The following HAX1 variants were observed in gnomAD, a reference collection of about 807,000 sequenced individuals.
HAX1 encodes the protein HCLS1 associated protein X-1.
A neutral mutation model predicts 31.1 loss-of-function variants in HAX1; 27 were observed. That is an observed-to-expected ratio of 0.87 (90% CI 0.64 to 1.20). The LOEUF is 1.20. HAX1 is among the 50% of genes most tolerant of loss of function. The probability of loss-of-function intolerance (pLI) is 0.00; values close to 1 mark genes in which losing one functional copy is unlikely to be tolerated. For missense variants in HAX1, 357 were observed against 361.6 expected (o/e 0.99, Z 0.10); for synonymous variants, 114 against 124.1 (o/e 0.92, Z 0.54).
chr1:154,275,540 C>T (rs1684915256), intron 6 of HAX1, 57 bp downstream of exon 6: 2 of 1,571,722 alleles, frequency 1.3e-6, no homozygotes, highest in Admixed American at 3.3e-5. Context: ...GGAAATCTTA[C>T]TCTTCTACCC....
chr1:154,274,089 C>A, intron 3 of HAX1, 128 bp downstream of exon 3: 1 of 819,042 alleles, frequency 1.2e-6, no homozygotes. Context: ...GGGCAGATCA[C>A]CAGAGGTCAG....
At position 154,273,166 on chromosome 1, in the gene HAX1, A is replaced by C. The variant is rs73014973; in HGVS notation, c.54-170A>C. On this transcript the variant is annotated intron_variant, in intron 1 of 6. Transcript: ENST00000328703. Reference sequence around the variant, plus strand: ...GACTTTGATTAAAAAAAAAAAAAAAAAAAAAGAACTGTCAGCCATTGTATT... The same window carrying C: ...GACTTTGATTAAAAAAAAAAAAAAACAAAAAGAACTGTCAGCCATTGTATT... 0.013 allele frequency: 8,674 copies of C among 687,966 alleles called. 420 individuals are homozygous for C. In the African/African-American group the frequency reaches 0.13, roughly 11 times the overall value. The allele number at this position is 687,966 out of a possible 1,614,324, so 42.6% of individuals were successfully genotyped here.
At position 154,272,655 on chromosome 1, in the gene HAX1, C is replaced by A; in HGVS notation, c.-69C>A. The A allele has an allele frequency of 6.7e-7, 1 of 1,490,720 alleles. No individual in the cohort carries two copies. Among genetic ancestry groups the A allele is most frequent in the Non-Finnish European group, 9.3e-7 (1 of 1,069,600 alleles). The allele number at this position is 1,490,720 out of a possible 1,614,324, so 92.3% of individuals were successfully genotyped here. ...ACGCCTCGCTCAATTTCTCACAGGGCTGCGCAGGTTTCCCCCGTCTGCGAA... is the reference window on the plus strand; with the variant it reads ...ACGCCTCGCTCAATTTCTCACAGGGATGCGCAGGTTTCCCCCGTCTGCGAA... On this transcript the variant is annotated 5_prime_UTR_variant, in exon 1 of 7. It adds an upstream start codon to the 5' untranslated region. Transcript: ENST00000328703.
At chr1:154,275,508 A>G (rs1054314314) in intron 6 of HAX1, 25 bp downstream of exon 6, 1 of 1,596,932 alleles carries the variant, frequency 6.3e-7, no homozygotes, top group Non-Finnish European at 8.6e-7. Context: ...AAAGGGGTTC[A>G]TCTCAAGATT....
rs765538745 is a variant in HAX1, at chr1:154,273,833, C to T, written c.376C>T (p.Arg126Trp). Reference sequence around the variant, plus strand: ...GAGACTACGGGAGGGACAGACACTTCGGGACTCAATGCTTAAGTATCCAGA... The same window carrying T: ...GAGACTACGGGAGGGACAGACACTTTGGGACTCAATGCTTAAGTATCCAGA... ...GERLREGQTL[R>W]DSMLKYPDSH... Residue 126 changes from arginine (R) to tryptophan (W), a missense_variant, in exon 3 of 7, where the codon CGG becomes TGG. Physicochemically the swap from Arg to Trp is moderately radical, Grantham distance 101. Transcript: ENST00000328703. The T allele has an allele frequency of 3.3e-5, 54 of 1,613,938 alleles. No homozygotes were observed. The highest frequency in any genetic ancestry group is 5.0e-5 in the Admixed American group (3 of 59,980).
Position 154,273,967 on chromosome 1 carries a change from T to C in HAX1, c.504+6T>C. The C allele has an allele frequency of 6.2e-7, 1 of 1,611,622 alleles. No homozygotes were observed. Among genetic ancestry groups the C allele is most frequent in the Non-Finnish European group, 8.5e-7 (1 of 1,177,860 alleles). On this transcript the variant is annotated splice_donor_region_variant and intron_variant, in intron 3 of 6. Coordinates refer to ENST00000328703, the MANE Select transcript of HAX1 (RefSeq NM_006118.4). ...CCCAGAGGCCATTTCATAGGGTGAG[T>C]ATCCCATCTGGTCCTGAAGTGAGAG...
In HAX1 at chr1:154,274,933, T is replaced by A. The variant is rs1311324593; in HGVS notation, c.505-17T>A. The A allele has an allele frequency of 6.3e-7, 1 of 1,598,280 alleles. No individual in the cohort carries two copies. Among genetic ancestry groups the A allele is most frequent in the African/African-American group, 1.3e-5 (1 of 74,610 alleles). On this transcript the variant is annotated splice_polypyrimidine_tract_variant and intron_variant, in intron 3 of 6. Coordinates refer to ENST00000328703, the MANE Select transcript of HAX1 (RefSeq NM_006118.4). Reference sequence around the variant, plus strand: ...GATTGGAAGGAGTCTTTTCACTTACTATGGTTTCTTCTGCAGTTTGATGAT... The same window carrying A: ...GATTGGAAGGAGTCTTTTCACTTACAATGGTTTCTTCTGCAGTTTGATGAT...
intron 3 of HAX1, 151 bp from the exon 4 acceptor site, chr1:154,274,799 G>A (rs1394770975): frequency 2.8e-6 from 2 of 712,846 alleles, no homozygotes; most frequent in Non-Finnish European, 5.2e-6. Flanking sequence ...ACATAAAACA[G>A]CCAGGAAGGA....
At position 154,273,774 on chromosome 1, in the gene HAX1, A is replaced by C. The variant is rs1216307304; in HGVS notation, c.317A>C (p.Glu106Ala). 17 of 1,614,048 alleles carry C rather than the reference A, an allele frequency of 1.1e-5. No individual in the cohort carries two copies. Among genetic ancestry groups the C allele is most frequent in the Non-Finnish European group, 1.4e-5 (17 of 1,180,020 alleles). ...GAWTLPSHPP[E>A]LPGPESETPG... Reference sequence around the variant, plus strand: ...GCAAACACCTGCCACCTTTCTGCAGAACTTCCAGGTCCTGAGTCAGAGACA... The same window carrying C: ...GCAAACACCTGCCACCTTTCTGCAGCACTTCCAGGTCCTGAGTCAGAGACA... The change falls in exon 3 of 7, where the codon GAA becomes GCA. Residue 106 changes from glutamate to alanine, a missense_variant and splice_region_variant. Coordinates refer to ENST00000328703, the MANE Select transcript of HAX1 (RefSeq NM_006118.4).
chr1:154,273,743 A>G lies in HAX1; in HGVS notation c.317-31A>G, dbSNP rs1466363349. 14 of 1,613,682 alleles carry G rather than the reference A, an allele frequency of 8.7e-6. No individual in the cohort carries two copies. The Admixed American group carries it at 2.0e-4, about 23-fold the overall frequency. ...ATTAATAGAGCCCAAGTCCTTTCCC[A>G]TCCCAGCAAACACCTGCCACCTTTC... On this transcript the variant is annotated intron_variant, in intron 2 of 6. Coordinates refer to ENST00000328703, the MANE Select transcript of HAX1 (RefSeq NM_006118.4).
At chr1:154,274,392 C>T (rs191605233) in intron 3 of HAX1, among the ~76,000 whole-genome samples, 102 of 152,154 alleles carry the variant, frequency 6.7e-4, no homozygotes, top group African/African-American at 2.2e-3. Flanking sequence ...GGATTACAGT[C>T]GCCTGCCAAA....
rs373783109 is a variant in HAX1 at position 154,275,432 on chromosome 1, C to T, written c.703C>T (p.Arg235Trp). The T allele has an allele frequency of 8.7e-6, 14 of 1,614,022 alleles. No individual in the cohort carries two copies. In the African/African-American group the frequency reaches 1.1e-4, roughly 12 times the overall value. Residue 235 changes from arginine (R) to tryptophan (W), a missense_variant, in exon 6 of 7, where the codon CGG (arginine) becomes TGG (tryptophan). Arg to Trp is a moderately radical substitution (Grantham distance 101). Transcript: ENST00000328703. The part of the protein sequence containing the change: ...ERRTVVDSEG[R>W]TETTVTRHEA... ...CCGGACTGTGGTGGACAGTGAGGGC[C>T]GGACAGAGACTACAGTAACCCGACA...
chr1:154,274,677 TAAA>T (rs941436954), intron 3 of HAX1, among the ~76,000 whole-genome samples: 3 of 151,988 alleles, frequency 2.0e-5, no homozygotes, highest in African/African-American at 7.3e-5. Context: ...CTGTTTCTTT[TAAA>T]AAACAAAAAC....
chr1:154,272,999 G>T, intron 1 of HAX1: 1 of 619,292 alleles, frequency 1.6e-6, no homozygotes, highest in Non-Finnish European at 2.9e-6. Flanking sequence ...ATGCAACAGG[G>T]ACCCGGGCGG....
In HAX1 at chr1:154,273,907, A is replaced by C. The variant is rs1684878785; in HGVS notation, c.450A>C (p.Arg150Ser). 6.2e-7 allele frequency: 1 copy of C among 1,614,058 alleles called. No homozygotes were observed. Residue 150 changes from arginine to serine, a missense_variant, in exon 3 of 7, where the codon AGA becomes AGC. By Grantham distance (110) the Arg-to-Ser change is moderately radical (BLOSUM62 -1). Transcript: ENST00000328703. ...GGGGGGTCTTGGAGAGTGATGCAAGAAGTGAATCCCCCCAACCAGCACCAG... is the reference window on the plus strand; with the variant it reads ...GGGGGGTCTTGGAGAGTGATGCAAGCAGTGAATCCCCCCAACCAGCACCAG... Reference protein sequence around the residue: ...IFGGVLESDARSESPQPAPDW... With the variant: ...IFGGVLESDASSESPQPAPDW...
rs755031266 is a variant in HAX1, at chr1:154,273,885, G to T, written c.428G>T (p.Gly143Val). 1 of 1,614,012 alleles carries T rather than the reference G, an allele frequency of 6.2e-7. No individual in the cohort carries two copies. The highest frequency in any genetic ancestry group is 1.3e-5 in the African/African-American group (1 of 74,906). Residue 143 changes from glycine to valine, a missense_variant, in exon 3 of 7, where the codon GGG becomes GTG. Coordinates refer to ENST00000328703, the MANE Select transcript of HAX1 (RefSeq NM_006118.4). ...AGTCACCAGCCCAGGATCTTTGGGG[G>T]GGTCTTGGAGAGTGATGCAAGAAGT... ...PDSHQPRIFG[G>V]VLESDARSES...
In HAX1 at chr1:154,275,869, A is replaced by G. The variant is rs563715242; in HGVS notation, c.*168A>G. On this transcript the variant is annotated 3_prime_UTR_variant, in exon 7 of 7. Coordinates refer to ENST00000328703, the MANE Select transcript of HAX1 (RefSeq NM_006118.4). ...AAACTGACCAATAAAACCTTTATTT[A>G]TGCTAATTTTTTGTCTTGGTTTTGT... 3.1e-6 allele frequency: 2 copies of G among 652,286 alleles called. No homozygotes were observed. Among genetic ancestry groups the G allele is most frequent in the African/African-American group, 3.7e-5 (2 of 54,598 alleles). 40.4% of individuals were successfully genotyped at this position (652,286 alleles called of 1,614,324 possible). A position where few individuals can be genotyped will look rare whatever the true frequency, so the allele number is the denominator to read the frequency against.
Position 154,275,153 on chromosome 1 carries a change from G to T in HAX1, c.557-1G>T. On this transcript the variant is annotated splice_acceptor_variant, in intron 4 of 6. Coordinates refer to ENST00000328703, the MANE Select transcript of HAX1 (RefSeq NM_006118.4). LOFTEE classifies it high-confidence loss of function. Reference sequence around the variant, plus strand: ...GCTTCTTCATCTCTCTGCTCTTCCAGATCTTGATTCCCAGGTTTCCCAGGA... The same window carrying T: ...GCTTCTTCATCTCTCTGCTCTTCCATATCTTGATTCCCAGGTTTCCCAGGA... 1 of 1,600,076 alleles carries T rather than the reference G, an allele frequency of 6.2e-7. No homozygotes were observed. The highest frequency in any genetic ancestry group is 1.7e-5 in the Admixed American group (1 of 59,984).
chr1:154,275,554 T>C, intron 6 of HAX1, 62 bp from the exon 7 acceptor site: 2 of 1,571,748 alleles, frequency 1.3e-6, no homozygotes, highest in South Asian at 2.2e-5. Flanking sequence ...TCTACCCTTG[T>C]CCTTTGCTTC....
Sources: gnomAD v4.1 joint callset for allele counts (sites outside exome capture counted in the v4.1 genomes callset) on GRCh38, gnomAD v4.1.1 for gene constraint, MANE v1.5 for transcripts, NCBI Gene and HGNC (gene_info 2026-07-23, HGNC 2026-07-21) for gene names.